The following CADPS variants were observed in gnomAD, a reference collection of about 807,000 sequenced individuals.
CADPS encodes calcium dependent secretion activator, also known as calcium-dependent secretion activator 1.
A neutral mutation model predicts 167.3 loss-of-function variants in CADPS; 57 were observed. The observed-to-expected ratio is 0.34, with a 90% CI of 0.28 to 0.42. The LOEUF (loss-of-function observed/expected upper bound fraction) is 0.42, where lower values mean the gene tolerates loss of function less well. Ranked by LOEUF, CADPS falls within the 20% of genes least tolerant of loss-of-function variation. The probability of loss-of-function intolerance (pLI) is 1.00; values close to 1 mark genes in which losing one functional copy is unlikely to be tolerated. For synonymous variants in CADPS, 676 were observed against 635.3 expected (o/e 1.06, Z -0.96); for missense variants, 1,414 against 1,738.1 (o/e 0.81, Z 3.32).
At chr3:62,703,840 C>T (rs973482627) in intron 3 of CADPS, among the ~76,000 whole-genome samples, 5 of 152,056 alleles carry the variant, frequency 3.3e-5, no homozygotes, top group South Asian at 2.1e-4. Flanking sequence ...ATGCAGCAGT[C>T]GGCACATAAA....
intron 1 of CADPS, among the ~76,000 whole-genome samples, chr3:62,791,911 T>G (rs1487298130): frequency 6.6e-6 from 1 of 152,168 alleles, no homozygotes; most frequent in Admixed American, 6.5e-5. Flanking sequence ...GCATATAGCA[T>G]GTACCCAATA....
chr3:62,620,391 A>C (rs2062991442), intron 6 of CADPS, among the ~76,000 whole-genome samples: 1 of 152,204 alleles, frequency 6.6e-6, no homozygotes, highest in African/African-American at 2.4e-5. Flanking sequence ...ATTGAAATTT[A>C]GAGTCTCTAA....
At chr3:62,799,180 C>T (rs2093623999) in intron 1 of CADPS, among the ~76,000 whole-genome samples, 1 of 152,158 alleles carries the variant, frequency 6.6e-6, no homozygotes, top group African/African-American at 2.4e-5. Flanking sequence ...CCACTGTTGA[C>T]AGCACTTTAC....
Position 62,487,653 on chromosome 3 carries a change from A to G in CADPS, c.3026+3686T>C, listed in dbSNP as rs1459885638. Among the ~76,000 whole-genome samples, 6 of 152,366 alleles carry G rather than the reference A, an allele frequency of 3.9e-5. No homozygotes were observed. In the South Asian group the frequency reaches 1.2e-3, roughly 32 times the overall value. ...TTTTCTCTTTTCGAAGAGATGGAAG[A>G]CTGTCTTTCTAGGGAAAGGCTGCCA... On this transcript the variant is annotated intron_variant, in intron 21 of 29. Coordinates refer to ENST00000383710, the MANE Select transcript of CADPS (RefSeq NM_003716.4).
chr3:62,465,010 AAATT>A lies in CADPS; in HGVS notation c.3636+353_3636+356del, dbSNP rs574018616. On this transcript the variant is annotated intron_variant, in intron 26 of 29. Coordinates refer to ENST00000383710, the MANE Select transcript of CADPS (RefSeq NM_003716.4). This position sits in a 1 kb window ranked among gnomAD's most constrained non-coding sequence, Gnocchi z 4.1. ...GTGCAGGTCTTCATTTAAAACTCTAAAATTAATTTTTCTTATTTACAGATGAGGA... is the reference window on the plus strand; with the variant it reads ...GTGCAGGTCTTCATTTAAAACTCTAAAATTTTTCTTATTTACAGATGAGGA... 2.8e-4 allele frequency among the ~76,000 whole-genome samples: 42 copies of A among 152,226 alleles called. No homozygotes were observed. The highest frequency in any genetic ancestry group is 4.4e-4 in the Non-Finnish European group (30 of 68,042).
intron 1 of CADPS, among the ~76,000 whole-genome samples, chr3:62,774,765 C>T (rs556772892): frequency 1.2e-4 from 18 of 152,118 alleles, no homozygotes; most frequent in African/African-American, 3.6e-4. Flanking sequence ...TGTGAAATGC[C>T]GTTTTGGTTG....
rs34533495 is a variant in CADPS at position 62,588,297 on chromosome 3, C to CTTT, written c.1438-2976_1438-2974dup. 2.6e-3 allele frequency among the ~76,000 whole-genome samples: 366 copies of CTTT among 139,836 alleles called. 2 individuals carry two copies. The highest frequency in any genetic ancestry group is 4.7e-3 in the South Asian group (21 of 4,464). The allele number at this position is 139,836 out of a possible 152,430, so 91.7% of individuals were successfully genotyped here. On this transcript the variant is annotated intron_variant, in intron 7 of 29. Coordinates refer to ENST00000383710, the MANE Select transcript of CADPS (RefSeq NM_003716.4). The stretch of plus-strand genomic sequence containing the variant: ...CTAGGTGCTTCATTTCCAGGTCTTT[C>CTTT]TTTTTTTTTTTTTTTTCCTAGCAGA...
chr3:62,822,455 T>C (rs2073152576), intron 1 of CADPS, among the ~76,000 whole-genome samples: 1 of 152,148 alleles, frequency 6.6e-6, no homozygotes, highest in African/African-American at 2.4e-5. Flanking sequence ...AATGAATCAA[T>C]GGATGGATGG....
At chr3:62,799,081 AC>A (rs1214882679) in intron 1 of CADPS, among the ~76,000 whole-genome samples, 10 of 152,120 alleles carry the variant, frequency 6.6e-5, no homozygotes, top group Non-Finnish European at 1.3e-4. Context: ...CCTCCTCTAG[AC>A]AGCATATGTG....
At chr3:62,715,112 G>T (rs2084189123) in intron 3 of CADPS, among the ~76,000 whole-genome samples, 1 of 152,164 alleles carries the variant, frequency 6.6e-6, no homozygotes, top group African/African-American at 2.4e-5. Flanking sequence ...CAGATGACAT[G>T]ATGTTTGAAA....
At chr3:62,831,557 C>T (rs535015474) in intron 1 of CADPS, among the ~76,000 whole-genome samples, 5 of 152,250 alleles carry the variant, frequency 3.3e-5, no homozygotes, top group Non-Finnish European at 7.4e-5. Context: ...TTTTAACCTT[C>T]AGGATCTCAT....
intron 1 of CADPS, among the ~76,000 whole-genome samples, chr3:62,871,974 G>A (rs887885013): frequency 6.6e-6 from 1 of 152,168 alleles, no homozygotes; most frequent in African/African-American, 2.4e-5. Context: ...AGTGGTGTGA[G>A]TATTGTGATA....
intron 3 of CADPS, among the ~76,000 whole-genome samples, chr3:62,681,992 T>C (rs2077221646): frequency 6.6e-6 from 1 of 152,078 alleles, no homozygotes; most frequent in African/African-American, 2.4e-5. Flanking sequence ...TCTGTATCTG[T>C]TGATGCATTA....
intron 1 of CADPS, among the ~76,000 whole-genome samples, chr3:62,829,540 A>G (rs1249734625): frequency 5.3e-5 from 8 of 152,114 alleles, no homozygotes; most frequent in African/African-American, 1.9e-4. Flanking sequence ...AGGTAAAAAC[A>G]TCCTGATAAA....
intron 6 of CADPS, among the ~76,000 whole-genome samples, chr3:62,619,282 T>C (rs371961360): frequency 6.6e-6 from 1 of 152,212 alleles, no homozygotes; most frequent in African/African-American, 2.4e-5. Context: ...TCAGTGCTTC[T>C]AAATGGTGAG....
chr3:62,582,476 C>G (rs895895471), intron 8 of CADPS, among the ~76,000 whole-genome samples: 2 of 152,090 alleles, frequency 1.3e-5, no homozygotes, highest in African/African-American at 4.8e-5. Context: ...TTTTTTCTCC[C>G]ATTTTCCAAG....
At chr3:62,690,602 A>G (rs2151277134) in intron 3 of CADPS, among the ~76,000 whole-genome samples, 1 of 151,710 alleles carries the variant, frequency 6.6e-6, no homozygotes, top group African/African-American at 2.4e-5. Context: ...TAGGAAGCAC[A>G]CTCCTGCCCA....
At chr3:62,431,860 TTA>T (rs543798848) in intron 28 of CADPS, among the ~76,000 whole-genome samples, 6 of 150,090 alleles carry the variant, frequency 4.0e-5, no homozygotes, top group Admixed American at 6.7e-5. Context: ...AAAGAGTACA[TTA>T]TATATATATA....
intron 1 of CADPS, among the ~76,000 whole-genome samples, chr3:62,868,397 T>C (rs2082078882): frequency 1.3e-5 from 2 of 152,150 alleles, no homozygotes; most frequent in South Asian, 2.1e-4. Flanking sequence ...AACATTCTAT[T>C]ATTTAAATGA....
Sources: allele counts gnomAD v4.1 joint callset (sites outside exome capture counted in the v4.1 genomes callset), GRCh38; gene constraint gnomAD v4.1.1; non-coding constraint Gnocchi (gnomAD v3.1); transcripts MANE v1.5; gene names NCBI Gene and HGNC (gene_info 2026-07-23, HGNC 2026-07-21).